TENM3: variants seen among roughly 807,000 people sequenced by gnomAD.
TENM3 encodes teneurin transmembrane protein 3, also known as teneurin-3.
In TENM3, 63 loss-of-function variants were observed where a neutral mutation model predicts 255.1. That is an observed-to-expected ratio of 0.25 (90% CI 0.20 to 0.30). TENM3 has a LOEUF of 0.30. Among genes scored for constraint, TENM3 ranks in the 10% least tolerant of loss-of-function variants. TENM3 has a pLI of 1.00. For missense variants in TENM3, 2,929 were observed against 3,461.1 expected, an observed-to-expected ratio of 0.85 and a Z score of 3.86; for synonymous variants, 1,306 against 1,322.3, an observed-to-expected ratio of 0.99 and a Z score of 0.27.
the TENM3 span, among the ~76,000 whole-genome samples, chr4:181,677,148 T>C: frequency 6.6e-6 from 1 of 152,098 alleles, no homozygotes; most frequent in Non-Finnish European, 1.5e-5. Flanking sequence ...TGAACCCACC[T>C]GTGTCCATTG....
At chr4:182,038,940 C>T in the TENM3 span, among the ~76,000 whole-genome samples, 1 of 152,042 alleles carries the variant, frequency 6.6e-6, no homozygotes, top group Non-Finnish European at 1.5e-5. Context: ...TCCATGTTGG[C>T]CAGGCTGGTC....
At chr4:182,419,066 T>C (rs946291206) in intron 3 of TENM3, among the ~76,000 whole-genome samples, 2 of 152,242 alleles carry the variant, frequency 1.3e-5, no homozygotes, top group Non-Finnish European at 2.9e-5. Flanking sequence ...AGACATTCTA[T>C]ATATGAAATT....
chr4:182,766,164 GAGA>G (rs1449019400), intron 22 of TENM3, among the ~76,000 whole-genome samples: 2 of 152,126 alleles, frequency 1.3e-5, no homozygotes, highest in Non-Finnish European at 2.9e-5. Flanking sequence ...GAGAACAAAA[GAGA>G]AGGAGGGGTT....
At chr4:181,922,283 T>G in the TENM3 span, among the ~76,000 whole-genome samples, 87 of 152,332 alleles carry the variant, frequency 5.7e-4, no homozygotes, top group East Asian at 2.1e-3. Context: ...CTTTTTCTAT[T>G]GATTGGAATA....
upstream of TENM3, chr4:182,142,271 T>C (rs1309370932): frequency 3.9e-5 from 6 of 152,362 alleles, no homozygotes; most frequent in African/African-American, 2.4e-5. Context: ...CGCAAAGATA[T>C]GCGTGCTGCT....
the TENM3 span, among the ~76,000 whole-genome samples, chr4:182,107,151 TACACACACACAC>T: frequency 8.2e-5 from 12 of 146,070 alleles, no homozygotes; most frequent in East Asian, 2.1e-4. Context: ...AAACAGAACA[TACACACACACAC>T]ACACACACAC....
At chr4:181,962,804 T>C in the TENM3 span, among the ~76,000 whole-genome samples, 878 of 152,246 alleles carry the variant, frequency 5.8e-3, 5 homozygotes, top group Middle Eastern at 0.01. Flanking sequence ...AAAATTCAAA[T>C]GCCAGTACTC....
the TENM3 span, among the ~76,000 whole-genome samples, chr4:181,641,554 G>GTATATATATA: frequency 0.019 from 498 of 26,658 alleles, 24 homozygotes; most frequent in Middle Eastern, 0.033. Flanking sequence ...TGGTGTGTGT[G>GTATATATATA]TATATATATA....
chr4:181,673,833 T>A, the TENM3 span, among the ~76,000 whole-genome samples: 2 of 148,794 alleles, frequency 1.3e-5, no homozygotes, highest in Non-Finnish European at 3.0e-5. Flanking sequence ...CCTTGGAAAG[T>A]CAGAAGTGTG....
chr4:181,508,986 T>G, the TENM3 span, among the ~76,000 whole-genome samples: 5 of 133,552 alleles, frequency 3.7e-5, no homozygotes, highest in African/African-American at 2.9e-5. Context: ...GTACAGGCAA[T>G]TTGACCTCCC....
intron 24 of TENM3, among the ~76,000 whole-genome samples, chr4:182,780,196 G>A (rs1337799546): frequency 4.6e-5 from 7 of 151,658 alleles, no homozygotes; most frequent in Admixed American, 2.0e-4. Context: ...TAGGTCTAAC[G>A]TTTAAGTCTT....
At chr4:181,818,552 G>A in the TENM3 span, among the ~76,000 whole-genome samples, 1 of 150,860 alleles carries the variant, frequency 6.6e-6, no homozygotes, top group Non-Finnish European at 1.5e-5. Context: ...TACATGTGCA[G>A]GATGTACAGG....
the TENM3 span, among the ~76,000 whole-genome samples, chr4:182,101,224 AAGGG>A: frequency 5.4e-4 from 3 of 5,544 alleles, 1 homozygote; most frequent in African/African-American, 1.3e-3. Flanking sequence ...GGAAGGAAAG[AAGGG>A]AGGGAGGAAG....
chr4:181,496,750 T>C, the TENM3 span, among the ~76,000 whole-genome samples: 5 of 152,188 alleles, frequency 3.3e-5, no homozygotes, highest in Admixed American at 6.5e-5. Flanking sequence ...TTAATAATAA[T>C]GGGACCTCTA....
rs189128162 is a variant in TENM3, at chr4:182,449,630, A to G, written c.511+102701A>G. Among the ~76,000 whole-genome samples the G allele has an allele frequency of 1.7e-3, 266 of 152,334 alleles. 4 individuals carry two copies. Among genetic ancestry groups the G allele is most frequent in the South Asian group, 5.2e-3 (25 of 4,832 alleles). ...CAAAAATCGGCATTGAGCTTAAATT[A>G]ATAAGCCCTTTGGTTCCATTAACTA... is the stretch of plus-strand genomic sequence containing the variant. On this transcript the variant is annotated intron_variant, in intron 3 of 27. Transcript: ENST00000511685.
chr4:182,298,871 G>T (rs926876386), intron 1 of TENM3, among the ~76,000 whole-genome samples: 4 of 151,106 alleles, frequency 2.6e-5, no homozygotes, highest in Non-Finnish European at 4.4e-5. Flanking sequence ...TACTCGGGAG[G>T]CTGAGGTGGG....
At chr4:182,334,787 A>G (rs1042177196) in intron 2 of TENM3, among the ~76,000 whole-genome samples, 1 of 152,196 alleles carries the variant, frequency 6.6e-6, no homozygotes, top group Non-Finnish European at 1.5e-5. Context: ...CATATTCAAA[A>G]ATAAATTAAG....
the TENM3 span, among the ~76,000 whole-genome samples, chr4:182,020,415 A>T: frequency 6.6e-6 from 1 of 152,026 alleles, no homozygotes; most frequent in African/African-American, 2.4e-5. Flanking sequence ...GGAAAGGGGG[A>T]ATAGAGAGAG....
the TENM3 span, among the ~76,000 whole-genome samples, chr4:181,725,213 G>T: frequency 2.0e-5 from 3 of 152,074 alleles, no homozygotes; most frequent in African/African-American, 7.2e-5. Context: ...AAATTCTGTG[G>T]TATTCTCTCT....
Sources: allele counts gnomAD v4.1 joint callset (sites outside exome capture counted in the v4.1 genomes callset), GRCh38; gene constraint gnomAD v4.1.1; transcripts MANE v1.5; gene names NCBI Gene and HGNC (gene_info 2026-07-23, HGNC 2026-07-21).